The following KIAA1328 variants were observed in gnomAD, a reference collection of about 807,000 sequenced individuals.
KIAA1328 encodes the protein protein hinderin.
KIAA1328 carries 52 observed loss-of-function variants against 68.1 expected under a neutral mutation model. That is an observed-to-expected ratio of 0.76 (90% CI 0.61 to 0.96). The LOEUF is 0.96. KIAA1328 is among the 40% of genes least tolerant of loss of function. KIAA1328 has a pLI of 0.00. For synonymous variants in KIAA1328, 232 were observed against 239.4 expected (o/e 0.97, Z 0.28); for missense variants, 641 against 677.6 (o/e 0.95, Z 0.60).
chr18:37,193,673 A>G, intron 9 of KIAA1328: 1 of 702,228 alleles, frequency 1.4e-6, no homozygotes, highest in Non-Finnish European at 2.6e-6. Flanking sequence ...GGCTACACGG[A>G]TTATGGAAGG....
intron 8 of KIAA1328, among the ~76,000 whole-genome samples, chr18:37,162,828 C>T (rs1737559146): frequency 6.6e-6 from 1 of 151,830 alleles, no homozygotes; most frequent in African/African-American, 2.4e-5. Context: ...GTATCTTACT[C>T]CCTTACCTCT....
At chr18:37,193,366 G>C (rs551166028) in intron 9 of KIAA1328, among the ~76,000 whole-genome samples, 1 of 152,110 alleles carries the variant, frequency 6.6e-6, no homozygotes, top group East Asian at 1.9e-4. Flanking sequence ...CATAATGTGT[G>C]ATTATTCATA....
At chr18:36,835,431 G>C in intron 3 of KIAA1328, 55 bp downstream of exon 3, 1 of 1,501,066 alleles carries the variant, frequency 6.7e-7, no homozygotes, top group Non-Finnish European at 9.0e-7. Flanking sequence ...TATGAGTGCT[G>C]ACCAAAAAGG....
chr18:37,225,684 A>G (rs2060631232), downstream of KIAA1328, among the ~76,000 whole-genome samples: 1 of 152,202 alleles, frequency 6.6e-6, no homozygotes, highest in Non-Finnish European at 1.5e-5. Flanking sequence ...TAAGACAAGA[A>G]AAATGGCCCT....
intron 7 of KIAA1328, among the ~76,000 whole-genome samples, chr18:37,119,211 A>C (rs566138140): frequency 6.6e-6 from 1 of 152,218 alleles, no homozygotes; most frequent in Non-Finnish European, 1.5e-5. Flanking sequence ...TTTCAGTGAT[A>C]GCTACAGCCT....
chr18:36,986,549 C>G (rs1481174647), intron 6 of KIAA1328, among the ~76,000 whole-genome samples: 1 of 106,652 alleles, frequency 9.4e-6, no homozygotes, highest in Non-Finnish European at 1.9e-5. Flanking sequence ...GAACAGGCAA[C>G]CTACAACATG....
chr18:37,143,543 T>G (rs2058826087), intron 7 of KIAA1328, among the ~76,000 whole-genome samples: 1 of 131,396 alleles, frequency 7.6e-6, no homozygotes, highest in Non-Finnish European at 1.7e-5. Flanking sequence ...TTTTTTTTTT[T>G]GCTTATTTTA....
chr18:37,054,399 G>A (rs2055828856), intron 6 of KIAA1328, among the ~76,000 whole-genome samples: 1 of 152,130 alleles, frequency 6.6e-6, no homozygotes, highest in East Asian at 1.9e-4. Context: ...TAGCAAAGGT[G>A]TGGAATCAAC....
At chr18:37,037,467 C>T (rs967229725) in intron 6 of KIAA1328, among the ~76,000 whole-genome samples, 1 of 152,254 alleles carries the variant, frequency 6.6e-6, no homozygotes, top group Middle Eastern at 3.4e-3. Context: ...TTTTTTGTCT[C>T]TTTCCACTAG....
chr18:37,196,350 C>G (rs945392100), intron 9 of KIAA1328, among the ~76,000 whole-genome samples: 1 of 152,084 alleles, frequency 6.6e-6, no homozygotes, highest in African/African-American at 2.4e-5. Flanking sequence ...AGTGAGCATT[C>G]TTGTCTTGTT....
rs565569260 is a variant in KIAA1328 at position 37,002,734 on chromosome 18, A to G, written c.576+43299A>G. Among the ~76,000 whole-genome samples the G allele has an allele frequency of 1.0e-3, 157 of 152,192 alleles. 2 individuals are homozygous for G. Among genetic ancestry groups the G allele is most frequent in the African/African-American group, 3.7e-3 (155 of 41,554 alleles). On this transcript the variant is annotated intron_variant, in intron 6 of 9. Transcript: ENST00000280020. ...AAAACATCCCACGGTCATGGATTGG[A>G]AGAATTAATGTCATTAAGTTGACCA...
In KIAA1328 at chr18:36,885,536, GTTT is replaced by G; in HGVS notation, c.333-10_333-8del. 15 of 1,058,784 alleles carry G rather than the reference GTTT, an allele frequency of 1.4e-5. No individual in the cohort carries two copies. The highest frequency in any genetic ancestry group is 3.5e-5 in the South Asian group (2 of 57,138). 65.6% of individuals were successfully genotyped at this position (1,058,784 alleles called of 1,614,324 possible). On this transcript the variant is annotated intron_variant, in intron 4 of 9. Coordinates refer to ENST00000280020, the MANE Select transcript of KIAA1328 (RefSeq NM_020776.3). ...AATTTTATTCTGATAGATGTTAAAG[GTTT>G]TTTTTTTTTTATTTCAGAGTAAGTG...
chr18:37,058,136 G>A (rs1478174037), intron 6 of KIAA1328, among the ~76,000 whole-genome samples: 1 of 152,152 alleles, frequency 6.6e-6, no homozygotes, highest in African/African-American at 2.4e-5. Context: ...GGCTACATGT[G>A]GAATGAGGTT....
chr18:37,151,371 T>C (rs2059025221), intron 7 of KIAA1328, among the ~76,000 whole-genome samples: 1 of 152,196 alleles, frequency 6.6e-6, no homozygotes, highest in Admixed American at 6.5e-5. Context: ...TTAGATTCAA[T>C]GCAATTTCAG....
At chr18:36,995,858 C>T (rs969837428) in intron 6 of KIAA1328, among the ~76,000 whole-genome samples, 9 of 152,072 alleles carry the variant, frequency 5.9e-5, no homozygotes, top group Non-Finnish European at 7.4e-5. Flanking sequence ...TGCATTTTTC[C>T]GGTTTCCCTG....
chr18:37,212,135 T>G (rs1245281675), intron 9 of KIAA1328, among the ~76,000 whole-genome samples: 1 of 152,236 alleles, frequency 6.6e-6, no homozygotes, highest in African/African-American at 2.4e-5. Context: ...GCTCATTCCT[T>G]GAGCATGAAG....
At chr18:36,836,005 T>A (rs2046660980) in intron 3 of KIAA1328, among the ~76,000 whole-genome samples, 1 of 152,306 alleles carries the variant, frequency 6.6e-6, no homozygotes, top group East Asian at 1.9e-4. Flanking sequence ...ACAGCTGTGC[T>A]CATTGTTTTA....
chr18:37,180,069 CA>C (rs2059669908), intron 9 of KIAA1328, among the ~76,000 whole-genome samples: 1 of 123,960 alleles, frequency 8.1e-6, no homozygotes, highest in Non-Finnish European at 1.5e-5. Flanking sequence ...CACACACACA[CA>C]CACACACACA....
intron 7 of KIAA1328, among the ~76,000 whole-genome samples, chr18:37,144,280 G>A (rs539754186): frequency 6.6e-6 from 1 of 152,158 alleles, no homozygotes; most frequent in African/African-American, 2.4e-5. Context: ...CCTAACTTGA[G>A]TTTTCTCCTT....
Sources: allele counts gnomAD v4.1 joint callset (sites outside exome capture counted in the v4.1 genomes callset), GRCh38; gene constraint gnomAD v4.1.1; transcripts MANE v1.5; gene names NCBI Gene and HGNC (gene_info 2026-07-23, HGNC 2026-07-21).